MBNL2: variants seen among roughly 807,000 people sequenced by gnomAD.
MBNL2 encodes muscleblind like splicing regulator 2.
MBNL2 carries 17 observed loss-of-function variants against 41.9 expected under a neutral mutation model. The ratio of observed to expected loss-of-function variants is 0.41; its 90% CI spans 0.28 to 0.61. The LOEUF is 0.61. MBNL2 is among the 20% of genes least tolerant of loss of function. The pLI is 0.35. For synonymous variants in MBNL2, 195 were observed against 182.9 expected (o/e 1.07, Z -0.53); for missense variants, 336 against 505.6 (o/e 0.66, Z 3.22).
At position 97,237,805 on chromosome 13, in the gene MBNL2, GA is replaced by G. The variant is rs148637035; in HGVS notation, c.-605+15275del. On this transcript the variant is annotated intron_variant, in intron 1 of 8. Coordinates refer to ENST00000679496, the MANE Select transcript of MBNL2 (RefSeq NM_001382683.1). ...ACCAAATATTTTTAAGCAGGTAAAT[GA>G]GGGGTCAGACAATGCTTTAGAGAGA... 2.4e-3 allele frequency among the ~76,000 whole-genome samples: 361 copies of G among 152,340 alleles called. 2 individuals carry two copies. The highest frequency in any genetic ancestry group is 8.4e-3 in the African/African-American group (348 of 41,580).
the MBNL2 span, among the ~76,000 whole-genome samples, chr13:97,150,271 C>G: frequency 6.6e-6 from 1 of 152,184 alleles, no homozygotes; most frequent in African/African-American, 2.4e-5. Context: ...TGCCTCCTCA[C>G]TTTTTGGAGC....
chr13:97,153,699 G>A, the MBNL2 span, among the ~76,000 whole-genome samples: 1 of 152,158 alleles, frequency 6.6e-6, no homozygotes, highest in African/African-American at 2.4e-5. Context: ...AGCATAATAT[G>A]TACCTCTGGC....
At chr13:97,173,075 G>C in the MBNL2 span, among the ~76,000 whole-genome samples, 134 of 152,242 alleles carry the variant, frequency 8.8e-4, 1 homozygote, top group African/African-American at 3.0e-3. Flanking sequence ...AGGAAGAAAA[G>C]GGATGTGTTG....
intron 5 of MBNL2, among the ~76,000 whole-genome samples, chr13:97,351,070 C>G (rs1594251148): frequency 6.6e-6 from 1 of 152,192 alleles, no homozygotes; most frequent in Admixed American, 6.5e-5. Context: ...CCATGGGCTG[C>G]AGAACAGCTG....
At chr13:97,156,236 A>C in the MBNL2 span, among the ~76,000 whole-genome samples, 9 of 120,762 alleles carry the variant, frequency 7.5e-5, no homozygotes, top group East Asian at 2.4e-3. Context: ...CCACTTTTTG[A>C]TGGGGTTGTT....
At chr13:97,195,883 G>C in the MBNL2 span, among the ~76,000 whole-genome samples, 81 of 152,210 alleles carry the variant, frequency 5.3e-4, 4 homozygotes, top group South Asian at 0.014. Context: ...AGCAAGTGTT[G>C]CTGTATACAT....
the MBNL2 span, among the ~76,000 whole-genome samples, chr13:97,149,393 G>A: frequency 2.0e-4 from 30 of 152,130 alleles, no homozygotes; most frequent in East Asian, 5.8e-4. Context: ...TCACTAAGTC[G>A]TTCTCTGCTT....
the MBNL2 span, among the ~76,000 whole-genome samples, chr13:97,202,465 A>G: frequency 6.6e-6 from 1 of 152,166 alleles, no homozygotes; most frequent in Admixed American, 6.5e-5. Flanking sequence ...GTAAAAATTA[A>G]ATGAAATAAT....
At chr13:97,246,872 A>G (rs776008677) in intron 1 of MBNL2, among the ~76,000 whole-genome samples, 11 of 152,200 alleles carry the variant, frequency 7.2e-5, no homozygotes, top group Non-Finnish European at 1.6e-4. Flanking sequence ...TTTTCTTAAT[A>G]TACTTATTGC....
intron 8 of MBNL2, among the ~76,000 whole-genome samples, chr13:97,385,052 C>A (rs1475675657): frequency 6.6e-6 from 1 of 152,106 alleles, no homozygotes; most frequent in Non-Finnish European, 1.5e-5. Context: ...GCAAAGGGTT[C>A]TTTTTCTGCC....
the MBNL2 span, among the ~76,000 whole-genome samples, chr13:97,191,709 C>T: frequency 6.6e-6 from 1 of 152,118 alleles, no homozygotes; most frequent in African/African-American, 2.4e-5. Context: ...CAAATGTATT[C>T]ATGAATGGTA....
the MBNL2 span, among the ~76,000 whole-genome samples, chr13:97,187,732 C>T: frequency 0.023 from 3,550 of 151,486 alleles, 128 homozygotes; most frequent in African/African-American, 0.081. Flanking sequence ...ACACTGAAAC[C>T]CCGTCTCTAC....
chr13:97,201,648 T>C, the MBNL2 span, among the ~76,000 whole-genome samples: 1 of 152,210 alleles, frequency 6.6e-6, no homozygotes, highest in African/African-American at 2.4e-5. Flanking sequence ...GTAGATACAT[T>C]GAAATTATAA....
Position 97,349,259 on chromosome 13 carries a change from G to A in MBNL2, c.804+2192G>A, listed in dbSNP as rs187279430. On this transcript the variant is annotated intron_variant, in intron 5 of 8. Transcript: ENST00000679496. ...TTCTTCTAGTAAAAGAGTAGTTTCC[G>A]AAACTCATTATAATTGGGAATGGGA... Among the ~76,000 whole-genome samples the A allele has an allele frequency of 3.2e-4, 49 of 152,044 alleles. 2 individuals are homozygous for A. In the South Asian group the frequency reaches 3.7e-3, roughly 12 times the overall value.
At chr13:97,287,838 G>A (rs1339808187) in intron 2 of MBNL2, among the ~76,000 whole-genome samples, 1 of 147,758 alleles carries the variant, frequency 6.8e-6, no homozygotes, top group East Asian at 2.0e-4. Context: ...TGATTCTCCT[G>A]CGTTCAAGCG....
intron 8 of MBNL2, among the ~76,000 whole-genome samples, chr13:97,381,520 G>A (rs2065450764): frequency 6.6e-6 from 1 of 151,612 alleles, no homozygotes; most frequent in African/African-American, 2.4e-5. Flanking sequence ...TTGTTTCTGT[G>A]ATTTTTCTTG....
chr13:97,356,422 AT>A (rs11349752), intron 5 of MBNL2, among the ~76,000 whole-genome samples: 86,500 of 151,356 alleles, frequency 0.57, 27,733 homozygotes, highest in African/African-American at 0.89. Context: ...CAAATTTTGC[AT>A]TTTTTTTTCT....
At position 97,276,222 on chromosome 13, in the gene MBNL2, A is replaced by C. The variant is rs1274157546; in HGVS notation, c.-14A>C. 1.2e-6 allele frequency: 2 copies of C among 1,607,226 alleles called. No homozygotes were observed. The highest frequency in any genetic ancestry group is 1.7e-6 in the Non-Finnish European group (2 of 1,175,174). ...CATTTAACAGAAACAAACAGCCCAA[A>C]TTACTTTATCACCATGGCTTTGAAC... On this transcript the variant is annotated 5_prime_UTR_variant, in exon 2 of 9. Coordinates refer to ENST00000679496, the MANE Select transcript of MBNL2 (RefSeq NM_001382683.1).
chr13:97,374,269 T>C (rs1443166109), intron 8 of MBNL2, among the ~76,000 whole-genome samples: 2 of 151,242 alleles, frequency 1.3e-5, no homozygotes, highest in Non-Finnish European at 3.0e-5. Flanking sequence ...TGCCTCAGCC[T>C]CCCGAGTAGC....
Sources: allele counts gnomAD v4.1 joint callset (sites outside exome capture counted in the v4.1 genomes callset), GRCh38; gene constraint gnomAD v4.1.1; transcripts MANE v1.5; gene names NCBI Gene and HGNC (gene_info 2026-07-23, HGNC 2026-07-21).